ARFGEF2: variants seen among roughly 807,000 people sequenced by gnomAD.
The protein encoded by ARFGEF2 is brefeldin A-inhibited guanine nucleotide-exchange protein 2.
A neutral mutation model predicts 219.9 loss-of-function variants in ARFGEF2; 74 were observed. The observed-to-expected ratio is 0.34, with a 90% confidence interval of 0.28 to 0.41. The LOEUF (loss-of-function observed/expected upper bound fraction) is 0.41, where lower values mean the gene tolerates loss of function less well. Among genes scored for constraint, ARFGEF2 ranks in the 10% least tolerant of loss-of-function variants. The probability of loss-of-function intolerance (pLI) is 1.00; values close to 1 mark genes in which losing one functional copy is unlikely to be tolerated. For synonymous variants in ARFGEF2, 733 were observed against 799.2 expected (o/e 0.92, Z 1.40); for missense variants, 1,743 against 2,218.3 (o/e 0.79, Z 4.30).
At chr20:49,021,633 G>T (rs894516470) in intron 34 of ARFGEF2, among the ~76,000 whole-genome samples, 6 of 150,720 alleles carry the variant, frequency 4.0e-5, no homozygotes, top group Non-Finnish European at 8.9e-5. Context: ...AGATCATGAG[G>T]TCAGGAGTTC....
intron 25 of ARFGEF2, among the ~76,000 whole-genome samples, chr20:49,003,610 A>G (rs1407621623): frequency 6.9e-6 from 1 of 144,484 alleles, no homozygotes; most frequent in Non-Finnish European, 1.5e-5. Context: ...GTCTCAAAAA[A>G]TAAAATAAAA....
chr20:48,959,409 TTCCCTCCC>T (rs1381891152), intron 6 of ARFGEF2, among the ~76,000 whole-genome samples: 3 of 63,460 alleles, frequency 4.7e-5, no homozygotes, highest in South Asian at 4.6e-4. Context: ...CCCTCCTTCC[TTCCCTCCC>T]TCCCTCCCTT....
Position 49,036,168 on chromosome 20 carries a change from C to T in ARFGEF2, c.*2969C>T. 2.5e-6 allele frequency: 1 copy of T among 398,220 alleles called. No homozygotes were observed. The allele number at this position is 398,220 out of a possible 1,614,324, so 24.7% of individuals were successfully genotyped here. A position where few individuals can be genotyped will look rare whatever the true frequency, so the allele number is the denominator to read the frequency against. On this transcript the variant is annotated 3_prime_UTR_variant, in exon 39 of 39. Coordinates refer to ENST00000371917, the MANE Select transcript of ARFGEF2 (RefSeq NM_006420.3). Reference sequence around the variant, plus strand: ...TTCAATAGAAGCTGGATCCTTAATACTGCATTTTCTGAATTCTGTTTTAAT... The same window carrying T: ...TTCAATAGAAGCTGGATCCTTAATATTGCATTTTCTGAATTCTGTTTTAAT...
At position 48,925,107 on chromosome 20, in the gene ARFGEF2, A is replaced by T. The variant is rs147074980; in HGVS notation, c.121+3097A>T. 1.9e-3 allele frequency among the ~76,000 whole-genome samples: 288 copies of T among 152,344 alleles called. 1 individual carries two copies. The highest frequency in any genetic ancestry group is 6.6e-3 in the African/African-American group (275 of 41,580). ...CGTGATTGAAAGGCTGTGTTGGAGTATTAACTTCCTAAACTCAATGAAGAC... is the reference window on the plus strand; with the variant it reads ...CGTGATTGAAAGGCTGTGTTGGAGTTTTAACTTCCTAAACTCAATGAAGAC... On this transcript the variant is annotated intron_variant, in intron 1 of 38. Coordinates refer to ENST00000371917, the MANE Select transcript of ARFGEF2 (RefSeq NM_006420.3).
intron 22 of ARFGEF2, among the ~76,000 whole-genome samples, chr20:48,995,370 T>C (rs4810906): frequency 0.24 from 37,010 of 152,038 alleles, 5,214 homozygotes; most frequent in East Asian, 0.47. Context: ...GGAATTGTAA[T>C]AGCACCCACT....
chr20:49,032,277 G>A (rs373778453), intron 38 of ARFGEF2, 111 bp downstream of exon 38: 10 of 804,708 alleles, frequency 1.2e-5, no homozygotes, highest in East Asian at 4.9e-5. Context: ...GGATGGTTAC[G>A]TGACTAGCAC....
rs1355193386 is a variant in ARFGEF2, at chr20:48,991,071, C to T, written c.2846C>T (p.Ala949Val). 6.2e-7 allele frequency: 1 copy of T among 1,614,184 alleles called. No homozygotes were observed. The highest frequency in any genetic ancestry group is 8.5e-7 in the Non-Finnish European group (1 of 1,180,026). ...CGAGATGCCTATGTTCAGGCTCTTGCTCGCTTCTCCCTACTCACAGCCAGC... is the reference window on the plus strand; with the variant it reads ...CGAGATGCCTATGTTCAGGCTCTTGTTCGCTTCTCCCTACTCACAGCCAGC... ...LERDAYVQAL[A>V]RFSLLTASSS... Residue 949 changes from alanine to valine, a missense_variant, in exon 21 of 39, where the codon GCT becomes GTT. Coordinates refer to ENST00000371917, the MANE Select transcript of ARFGEF2 (RefSeq NM_006420.3).
Position 49,005,219 on chromosome 20 carries a change from C to T in ARFGEF2, c.3582C>T (p.Asn1194=), listed in dbSNP as rs2091450249. The change falls in exon 26 of 39, where the codon AAC becomes AAT. Residue 1194 remains asparagine, a splice_region_variant and synonymous_variant. Coordinates refer to ENST00000371917, the MANE Select transcript of ARFGEF2 (RefSeq NM_006420.3). ...LRPFEHIMKK[N]RSPTIRDMAI... ...CCTTTGAGCATATTATGAAGAAAAA[C>T]AGGTATGTGTTTTGCTCTGGAAGAC... The T allele has an allele frequency of 6.2e-7, 1 of 1,614,170 alleles. No homozygotes were observed. Among genetic ancestry groups the T allele is most frequent in the East Asian group, 2.2e-5 (1 of 44,886 alleles).
At chr20:48,982,217 G>T (rs2091300251) in intron 14 of ARFGEF2, among the ~76,000 whole-genome samples, 1 of 152,170 alleles carries the variant, frequency 6.6e-6, no homozygotes, top group Admixed American at 6.5e-5. Context: ...TCTGTTTGTA[G>T]CTTTCCTTCT....
Position 48,976,115 on chromosome 20 carries a change from G to A in ARFGEF2, c.1874G>A (p.Gly625Glu). The A allele has an allele frequency of 6.2e-7, 1 of 1,613,790 alleles. No individual in the cohort carries two copies. The highest frequency in any genetic ancestry group is 1.3e-5 in the African/African-American group (1 of 75,012). ...VTSMESTVSS[G>E]TQTTVQDDPE... ...TCCATGGAGTCCACAGTGTCCTCGG[G>A]GACCCAGACAACTGTTCAGGATGAC... Residue 625 changes from glycine (G) to glutamate (E), a missense_variant, in exon 14 of 39, where the codon GGG becomes GAG. Around this residue, in one of 5 missense-constraint regions of ARFGEF2, gnomAD observed 666 missense variants for 955.4 expected, o/e 0.70. Transcript: ENST00000371917.
intron 26 of ARFGEF2, among the ~76,000 whole-genome samples, chr20:49,005,615 A>G (rs1397860406): frequency 1.3e-5 from 2 of 151,238 alleles, no homozygotes; most frequent in East Asian, 2.0e-4. Context: ...GCGGGCGCCT[A>G]TAGGTCCAGC....
chr20:48,995,712 A>G lies in ARFGEF2; in HGVS notation c.3122-71A>G, dbSNP rs767411804. The G allele has an allele frequency of 1.9e-5, 26 of 1,342,530 alleles. No individual in the cohort carries two copies. The South Asian group carries it at 2.5e-4, about 13-fold the overall frequency. 83.2% of individuals were successfully genotyped at this position (1,342,530 alleles called of 1,614,324 possible). A position where few individuals can be genotyped will look rare whatever the true frequency, so the allele number is the denominator to read the frequency against. ...ATGTCCCCTGTCCCTGCGTGTTGAC[A>G]TAACAGGATGCTTTGTTCTAAATAC... On this transcript the variant is annotated intron_variant, in intron 22 of 38. Coordinates refer to ENST00000371917, the MANE Select transcript of ARFGEF2 (RefSeq NM_006420.3).
intron 16 of ARFGEF2, among the ~76,000 whole-genome samples, chr20:48,986,448 G>T (rs2091326864): frequency 6.6e-6 from 1 of 151,984 alleles, no homozygotes. Context: ...GGCCAATATG[G>T]TGAAATCCCG....
At position 48,998,329 on chromosome 20, in the gene ARFGEF2, C is replaced by A. The variant is rs2123481981; in HGVS notation, c.3263-7C>A. 6.2e-7 allele frequency: 1 copy of A among 1,614,168 alleles called. No individual in the cohort carries two copies. Among genetic ancestry groups the A allele is most frequent in the Non-Finnish European group, 8.5e-7 (1 of 1,180,028 alleles). On this transcript the variant is annotated splice_region_variant and splice_polypyrimidine_tract_variant and intron_variant, in intron 24 of 38. Transcript: ENST00000371917. ...GCTTTGCTTGTGTTGTTGGGTCTGG[C>A]CTGTAGTTGACTTTGTCCGCTGGCT...
chr20:48,963,754 A>G, intron 6 of ARFGEF2, 76 bp from the exon 7 acceptor site: 3 of 1,355,046 alleles, frequency 2.2e-6, no homozygotes, highest in Non-Finnish European at 3.1e-6. Flanking sequence ...AACTCCCCAT[A>G]ATCTCCTTTT....
At chr20:48,928,417 C>T (rs1174250079) in intron 1 of ARFGEF2, among the ~76,000 whole-genome samples, 29 of 131,650 alleles carry the variant, frequency 2.2e-4, no homozygotes, top group East Asian at 1.3e-3. Flanking sequence ...CCAGGATGGT[C>T]TCGATCTCCT....
chr20:48,973,975 A>C (rs1430508883), intron 12 of ARFGEF2, among the ~76,000 whole-genome samples: 1 of 152,138 alleles, frequency 6.6e-6, no homozygotes, highest in Non-Finnish European at 1.5e-5. Flanking sequence ...TATTTACTTA[A>C]AGGGTGAGCC....
intron 6 of ARFGEF2, among the ~76,000 whole-genome samples, chr20:48,963,556 G>A (rs1051377653): frequency 6.6e-6 from 1 of 152,176 alleles, no homozygotes; most frequent in Non-Finnish European, 1.5e-5. Context: ...GCCCTGGGCC[G>A]AGCCACTGGG....
intron 31 of ARFGEF2, among the ~76,000 whole-genome samples, chr20:49,016,986 C>T (rs1019369574): frequency 1.3e-5 from 2 of 152,140 alleles, no homozygotes; most frequent in East Asian, 1.9e-4. Context: ...TCTTCTATTA[C>T]CATTTTTCAT....
Sources: gnomAD v4.1 joint callset for allele counts (sites outside exome capture counted in the v4.1 genomes callset) on GRCh38, gnomAD v4.1.1 for gene constraint, gnomAD v4.1.1 regional missense constraint, MANE v1.5 for transcripts, NCBI Gene and HGNC (gene_info 2026-07-23, HGNC 2026-07-21) for gene names.